Variants in ABHD3 observed in about 807,000 individuals in gnomAD.
ABHD3 encodes the protein abhydrolase domain containing 3, phospholipase, also known as phospholipase ABHD3.
Under a neutral mutation model 48.8 loss-of-function variants are expected in ABHD3, and 46 were observed. The ratio of observed to expected loss-of-function variants is 0.94; its 90% confidence interval spans 0.74 to 1.20. The LOEUF is 1.20. ABHD3 is among the 50% of genes most tolerant of loss of function. The pLI, the probability that ABHD3 is intolerant of heterozygous loss-of-function variation, is 0.00. For synonymous variants in ABHD3, 192 were observed against 183.7 expected (o/e 1.04, Z -0.36); for missense variants, 490 against 497.8 (o/e 0.98, Z 0.15).
intron 4 of ABHD3, among the ~76,000 whole-genome samples, chr18:21,668,626 G>A (rs1048381735): frequency 1.1e-4 from 16 of 152,236 alleles, no homozygotes; most frequent in Middle Eastern, 3.4e-3. Context: ...CAGAGCCTGC[G>A]TTATATGTTT....
chr18:21,660,455 TCTA>T (rs1240617128), intron 5 of ABHD3, among the ~76,000 whole-genome samples: 2 of 152,298 alleles, frequency 1.3e-5, no homozygotes, highest in Admixed American at 1.3e-4. Flanking sequence ...TTCTTTTTGT[TCTA>T]CTAATTTTCT....
Position 21,656,917 on chromosome 18 carries a change from A to C in ABHD3, c.1001T>G (p.Val334Gly). Reference protein sequence around the residue: ...DASPSPRLKSVGIPVLCLNSV... With the variant: ...DASPSPRLKSGGIPVLCLNSV... ...ATTTAGACACAATACTGGAATTCCT[A>C]CTGACTTCAGTCTAGGACTCGGACT... is the stretch of plus-strand genomic sequence containing the variant. The change falls in exon 8 of 9, where the codon GTA becomes GGA. Residue 334 changes from valine (V) to glycine (G), a missense_variant. Transcript: ENST00000289119. 6.2e-7 allele frequency: 1 copy of C among 1,613,772 alleles called. No homozygotes were observed. Among genetic ancestry groups the C allele is most frequent in the Non-Finnish European group, 8.5e-7 (1 of 1,179,724 alleles).
intron 3 of ABHD3, among the ~76,000 whole-genome samples, chr18:21,689,110 G>T (rs539175607): frequency 1.3e-5 from 2 of 152,254 alleles, no homozygotes; most frequent in African/African-American, 4.8e-5. Flanking sequence ...ACAACAAAAA[G>T]CATGCAGAAA....
chr18:21,676,446 A>G (rs1354945823), intron 4 of ABHD3, among the ~76,000 whole-genome samples: 1 of 152,208 alleles, frequency 6.6e-6, no homozygotes, highest in Non-Finnish European at 1.5e-5. Flanking sequence ...GGCTACACAC[A>G]GTGGTGTGAT....
intron 3 of ABHD3, among the ~76,000 whole-genome samples, chr18:21,700,801 C>T (rs2040489901): frequency 7.9e-6 from 1 of 126,834 alleles, no homozygotes; most frequent in Admixed American, 9.8e-5. Context: ...ATCTTCTGTA[C>T]TTTCTGAGCA....
intron 3 of ABHD3, among the ~76,000 whole-genome samples, chr18:21,688,655 T>G (rs562000458): frequency 6.6e-6 from 1 of 152,246 alleles, no homozygotes; most frequent in African/African-American, 2.4e-5. Context: ...CAGTATAGGA[T>G]TCAATGTCCA....
At chr18:21,654,498 G>C (rs1405530574) in intron 8 of ABHD3, among the ~76,000 whole-genome samples, 1 of 152,144 alleles carries the variant, frequency 6.6e-6, no homozygotes, top group Non-Finnish European at 1.5e-5. Flanking sequence ...GTGGTCCTGA[G>C]TTCACGTCCT....
At chr18:21,685,516 A>C (rs1477749440) in intron 3 of ABHD3, among the ~76,000 whole-genome samples, 1 of 152,154 alleles carries the variant, frequency 6.6e-6, no homozygotes, top group Non-Finnish European at 1.5e-5. Flanking sequence ...CATTTTATTA[A>C]CTCACCTAAG....
intron 4 of ABHD3, among the ~76,000 whole-genome samples, chr18:21,667,109 T>C (rs2039649157): frequency 1.3e-5 from 2 of 151,010 alleles, no homozygotes; most frequent in Non-Finnish European, 2.9e-5. Flanking sequence ...AGTCTCGCTC[T>C]GTCGCCCAGG....
Position 21,655,514 on chromosome 18 carries a change from G to C in ABHD3, c.1057+1347C>G, listed in dbSNP as rs189145826. ...GTGGGCCAGGCTGCTCCTTATCTTT[G>C]TTATCAAATTTCATATTTCTTGACT... On this transcript the variant is annotated intron_variant, in intron 8 of 8. Transcript: ENST00000289119. Among the ~76,000 whole-genome samples, 167 of 151,988 alleles carry C rather than the reference G, an allele frequency of 1.1e-3. 2 individuals are homozygous for C. The highest frequency in any genetic ancestry group is 4.2e-3 in the Admixed American group (64 of 15,262).
chr18:21,661,105 A>G (rs2039484036), intron 5 of ABHD3, among the ~76,000 whole-genome samples: 2 of 148,506 alleles, frequency 1.3e-5, no homozygotes, highest in South Asian at 4.2e-4. Context: ...TACAAGCTAA[A>G]AAAAAAAAAA....
At position 21,672,423 on chromosome 18, in the gene ABHD3, C is replaced by T. The variant is rs151081885; in HGVS notation, c.556-8193G>A. Among the ~76,000 whole-genome samples the T allele has an allele frequency of 4.5e-3, 688 of 152,284 alleles. 1 individual carries two copies. The highest frequency in any genetic ancestry group is 6.8e-3 in the Middle Eastern group (2 of 294). The stretch of plus-strand genomic sequence containing the variant: ...CAAAGTGAAATCTGAAAAAGACACA[C>T]GAATGCCTGGTAAAAAAATCATTTA... On this transcript the variant is annotated intron_variant, in intron 4 of 8. Coordinates refer to ENST00000289119, the MANE Select transcript of ABHD3 (RefSeq NM_138340.5).
intron 4 of ABHD3, among the ~76,000 whole-genome samples, chr18:21,678,357 A>G (rs956424242): frequency 2.0e-5 from 3 of 152,160 alleles, no homozygotes; most frequent in African/African-American, 7.2e-5. Context: ...ACTATTTTCC[A>G]AAGTGGCTAG....
At chr18:21,664,709 C>A (rs909701106) in intron 4 of ABHD3, among the ~76,000 whole-genome samples, 16 of 151,954 alleles carry the variant, frequency 1.1e-4, no homozygotes, top group African/African-American at 3.9e-4. Context: ...CAGCTCACTG[C>A]AGCCTCGACC....
chr18:21,704,507 G>A lies in ABHD3; in HGVS notation c.159C>T (p.Ala53=). ...AYAFYYLSSI[A]KKPQLVTGGE... is the part of the protein sequence containing the mutation. ...CCCTGCGCCACCCCCGGCTCACCTT[G>A]GCAATGCTGCTCAGGTAGTAGAAGG... is the stretch of plus-strand genomic sequence containing the variant. Residue 53 remains alanine (A), a synonymous_variant, in exon 1 of 9, where the codon GCC becomes GCT. Coordinates refer to ENST00000289119, the MANE Select transcript of ABHD3 (RefSeq NM_138340.5). 4 of 1,457,230 alleles carry A rather than the reference G, an allele frequency of 2.7e-6. No individual in the cohort carries two copies. Among genetic ancestry groups the A allele is most frequent in the Non-Finnish European group, 3.6e-6 (4 of 1,098,478 alleles). The allele number at this position is 1,457,230 out of a possible 1,614,324, so 90.3% of individuals were successfully genotyped here. A position where few individuals can be genotyped will look rare whatever the true frequency, so the allele number is the denominator to read the frequency against.
At chr18:21,684,652 T>G (rs1185194141) in intron 3 of ABHD3, among the ~76,000 whole-genome samples, 2 of 152,120 alleles carry the variant, frequency 1.3e-5, no homozygotes, top group African/African-American at 4.8e-5. Context: ...AGAAAAAATA[T>G]ATATCCTCTA....
Position 21,664,207 on chromosome 18 carries a change from A to G in ABHD3, c.579T>C (p.Ala193=). ...TAACTGTCTCCAAGTCTTCAGTGTT[A>G]GCACAACAATAAGTCCTTGGCGTCT... is the stretch of plus-strand genomic sequence containing the variant. ...NLLTPRTYCC[A]NTEDLETVIH... The change falls in exon 5 of 9, where the codon GCT becomes GCC. Residue 193 remains alanine (A), a synonymous_variant. Coordinates refer to ENST00000289119, the MANE Select transcript of ABHD3 (RefSeq NM_138340.5). 6.2e-7 allele frequency: 1 copy of G among 1,614,006 alleles called. No homozygotes were observed. The highest frequency in any genetic ancestry group is 8.5e-7 in the Non-Finnish European group (1 of 1,179,976).
chr18:21,685,027 T>C (rs2040100443), intron 3 of ABHD3, among the ~76,000 whole-genome samples: 1 of 152,236 alleles, frequency 6.6e-6, no homozygotes, highest in African/African-American at 2.4e-5. Flanking sequence ...CAAAAGTTAT[T>C]CAGTATTTAA....
chr18:21,702,180 T>C lies in ABHD3; in HGVS notation c.509+136A>G. 5.3e-6 allele frequency: 4 copies of C among 754,712 alleles called. No homozygotes were observed. The South Asian group carries it at 1.1e-4, about 21-fold the overall frequency. 46.8% of individuals were successfully genotyped at this position (754,712 alleles called of 1,614,324 possible). A position where few individuals can be genotyped will look rare whatever the true frequency, so the allele number is the denominator to read the frequency against. The stretch of plus-strand genomic sequence containing the variant: ...CTGAAAAGAAAGAGGAAAAAAAGAA[T>C]GCAGAGAAAAATAATAATTTAAGGG... On this transcript the variant is annotated intron_variant, in intron 3 of 8. Coordinates refer to ENST00000289119, the MANE Select transcript of ABHD3 (RefSeq NM_138340.5).
Sources: allele counts gnomAD v4.1 joint callset (sites outside exome capture counted in the v4.1 genomes callset), GRCh38; gene constraint gnomAD v4.1.1; transcripts MANE v1.5; gene names NCBI Gene and HGNC (gene_info 2026-07-23, HGNC 2026-07-21).